Variants in COL4A6 observed in about 807,000 individuals in gnomAD.
COL4A6 encodes the protein collagen type IV alpha 6 chain, also known as collagen alpha-6(IV) chain.
In COL4A6, 59 loss-of-function variants were observed where a neutral mutation model predicts 126.7. That is an observed-to-expected ratio of 0.47 (90% CI 0.38 to 0.58). The LOEUF (loss-of-function observed/expected upper bound fraction) is 0.58. COL4A6 is among the 20% of genes least tolerant of loss of function. The pLI is 0.00. For missense variants in COL4A6, 1,285 were observed against 1,337.3 expected, an observed-to-expected ratio of 0.96 and a Z score of 0.61; for synonymous variants, 547 against 496.6, an observed-to-expected ratio of 1.10 and a Z score of -1.35.
intron 41 of COL4A6, among the ~76,000 whole-genome samples, chrX:108,162,401 AGAAGAAGAAGAAGAG>A (rs940945783): frequency 5.0e-5 from 5 of 99,524 alleles, no homozygotes; most frequent in Admixed American, 1.1e-4. Context: ...GAAGAAGAAA[AGAAGAAGAAGAAGAG>A]GAAGAAGAAG....
Position 108,367,428 on chromosome X carries a change from G to A in COL4A6, c.64-56600C>T, listed in dbSNP as rs367803333. On this transcript the variant is annotated intron_variant, in intron 2 of 44. Transcript: ENST00000334504. Reference sequence around the variant, plus strand: ...AAAGAGCACAAAGGTAAGCTTGGAAGTACCTGCAGAACATACCCTCGTGTC... The same window carrying A: ...AAAGAGCACAAAGGTAAGCTTGGAAATACCTGCAGAACATACCCTCGTGTC... Among the ~76,000 whole-genome samples, 3 of 111,666 alleles carry A rather than the reference G, an allele frequency of 2.7e-5. No homozygotes were observed. The Admixed American group carries it at 2.9e-4, about 11-fold the overall frequency.
At chrX:108,175,943 G>C in intron 28 of COL4A6, 146 bp from the exon 29 acceptor site, 1 of 473,440 alleles carries the variant, frequency 2.1e-6, no homozygotes, top group Non-Finnish European at 3.6e-6. Context: ...TAATTCCAAA[G>C]TCTTAGTCAT....
intron 3 of COL4A6, among the ~76,000 whole-genome samples, chrX:108,247,700 C>T (rs757663614): frequency 2.7e-5 from 3 of 111,466 alleles, no homozygotes; most frequent in Admixed American, 1.9e-4. Context: ...TTTGCATTTC[C>T]GGCATGAAGT....
rs767479071 is a variant in COL4A6 at position 108,157,232 on chromosome X, C to T, written c.4841G>A (p.Gly1614Asp). The change falls in exon 45 of 45, where the codon GGC becomes GAC. Residue 1614 changes from glycine to aspartate, a missense_variant. By Grantham distance (94) the Gly-to-Asp change is moderately conservative. Transcript: ENST00000334504. ...MHTAAGAEGG[G>D]QSLVSPGSCL... ...GGAGCCAGGTGAGACCAGGGACTGG[C>T]CTCCACCCTCGGCACCAGCGGCAGT... 1 of 1,210,842 alleles carries T rather than the reference C, an allele frequency of 8.3e-7. No individual in the cohort carries two copies. The highest frequency in any genetic ancestry group is 1.8e-5 in the South Asian group (1 of 56,932).
intron 3 of COL4A6, among the ~76,000 whole-genome samples, chrX:108,289,440 T>G (rs1163130077): frequency 9.0e-6 from 1 of 111,511 alleles, no homozygotes; most frequent in East Asian, 2.8e-4. Flanking sequence ...GTGAAAGGTA[T>G]ATGGGTGTTC....
intron 3 of COL4A6, among the ~76,000 whole-genome samples, chrX:108,249,246 T>C (rs2036790197): frequency 9.0e-6 from 1 of 111,049 alleles, no homozygotes; most frequent in South Asian, 3.9e-4. Context: ...CTATAGGACC[T>C]AGTACAGTGC....
chrX:108,333,895 G>A (rs1393266684), intron 2 of COL4A6, among the ~76,000 whole-genome samples: 1 of 111,312 alleles, frequency 9.0e-6, no homozygotes, highest in African/African-American at 3.3e-5. Context: ...AGAAATTGTA[G>A]ATGACACAAA....
At chrX:108,368,017 G>GT (rs1045015846) in intron 2 of COL4A6, among the ~76,000 whole-genome samples, 142 of 100,054 alleles carry the variant, frequency 1.4e-3, no homozygotes, top group East Asian at 0.01. Flanking sequence ...CAGAAACTTT[G>GT]TTTTTTTTTT....
intron 2 of COL4A6, among the ~76,000 whole-genome samples, chrX:108,322,898 T>C (rs1199537883): frequency 8.9e-6 from 1 of 112,376 alleles, no homozygotes; most frequent in African/African-American, 3.2e-5. Flanking sequence ...ACTTAAGATA[T>C]ATTTGTTATT....
chrX:108,161,828 C>G, intron 41 of COL4A6, 93 bp from the exon 42 acceptor site: 1 of 560,283 alleles, frequency 1.8e-6, no homozygotes. Context: ...ATGCCCAAGA[C>G]TCACTAGGAG....
At chrX:108,243,493 G>A (rs1028281549) in intron 3 of COL4A6, among the ~76,000 whole-genome samples, 2 of 111,576 alleles carry the variant, frequency 1.8e-5, no homozygotes, top group East Asian at 5.7e-4. Flanking sequence ...CAGGAAGAGA[G>A]ACCTCACCAG....
Position 108,176,975 on chromosome X carries a change from C to A in COL4A6, c.2552G>T (p.Gly851Val). The change falls in exon 28 of 45, where the codon GGT becomes GTT. Residue 851 changes from glycine (G) to valine (V), a missense_variant. Physicochemically the swap from Gly to Val is moderately radical, Grantham distance 109 (BLOSUM62 -3). Transcript: ENST00000334504. ...TTTCTTTACAATTGATCCAGGAGGA[C>A]CTTTCTTGCCTCTTGTTCCTTTCTT... ...PGKKGTRGKK[G>V]PPGSIVKKGL... 1 of 1,211,349 alleles carries A rather than the reference C, an allele frequency of 8.3e-7. No homozygotes were observed. Among genetic ancestry groups the A allele is most frequent in the South Asian group, 1.8e-5 (1 of 56,911 alleles).
intron 3 of COL4A6, among the ~76,000 whole-genome samples, chrX:108,286,860 C>T (rs1196398105): frequency 1.8e-5 from 2 of 112,004 alleles, no homozygotes; most frequent in African/African-American, 6.5e-5. Flanking sequence ...TGTGAGCGAT[C>T]ATGTCTGGCT....
At chrX:108,430,487 C>T (rs1030807586) in intron 2 of COL4A6, among the ~76,000 whole-genome samples, 3 of 111,673 alleles carry the variant, frequency 2.7e-5, no homozygotes, top group Non-Finnish European at 5.6e-5. Flanking sequence ...GGCATTAAAT[C>T]AGAAGATACC....
chrX:108,320,314 TTG>T (rs2147939640), intron 2 of COL4A6, among the ~76,000 whole-genome samples: 1 of 111,498 alleles, frequency 9.0e-6, no homozygotes, highest in South Asian at 3.8e-4. Context: ...GTTATCAATA[TTG>T]TGAGGTTTTT....
At chrX:108,222,496 A>T (rs1048947345) in intron 3 of COL4A6, among the ~76,000 whole-genome samples, 3 of 112,021 alleles carry the variant, frequency 2.7e-5, no homozygotes, top group African/African-American at 9.7e-5. Context: ...TGAAAATGGG[A>T]CAGATGCCTT....
intron 6 of COL4A6, among the ~76,000 whole-genome samples, chrX:108,212,334 C>A (rs1479340066): frequency 1.8e-5 from 2 of 111,335 alleles, no homozygotes; most frequent in Admixed American, 9.5e-5. Flanking sequence ...TGTACTTCTA[C>A]CACACAACTT....
intron 2 of COL4A6, among the ~76,000 whole-genome samples, chrX:108,387,300 T>C (rs902302969): frequency 7.1e-5 from 8 of 112,196 alleles, no homozygotes; most frequent in Non-Finnish European, 1.5e-4. Flanking sequence ...ATAAATTACT[T>C]TGGGCAGTAT....
At chrX:108,417,234 T>C (rs1603228595) in intron 2 of COL4A6, among the ~76,000 whole-genome samples, 1 of 111,685 alleles carries the variant, frequency 9.0e-6, no homozygotes, top group Admixed American at 9.5e-5. Context: ...ACCAAAGGAC[T>C]CTGCCTGATA....
Sources: gnomAD v4.1 joint callset for allele counts (sites outside exome capture counted in the v4.1 genomes callset) on GRCh38, gnomAD v4.1.1 for gene constraint, MANE v1.5 for transcripts, NCBI Gene and HGNC (gene_info 2026-07-23, HGNC 2026-07-21) for gene names.